PCNX1: variants seen among roughly 807,000 people sequenced by gnomAD.
The protein encoded by PCNX1 is pecanex 1.
Under a neutral mutation model 242.2 loss-of-function variants are expected in PCNX1, and 78 were observed. The observed-to-expected ratio is 0.32, with a 90% CI of 0.27 to 0.39. The LOEUF is 0.39. Ranked by LOEUF, PCNX1 falls within the 10% of genes least tolerant of loss-of-function variation. The probability of loss-of-function intolerance (pLI) is 1.00; values close to 1 mark genes in which losing one functional copy is unlikely to be tolerated. For synonymous variants in PCNX1, 1,024 were observed against 1,032.9 expected (o/e 0.99, Z 0.17); for missense variants, 2,581 against 2,856.5 (o/e 0.90, Z 2.20).
intron 31 of PCNX1, among the ~76,000 whole-genome samples, chr14:71,102,614 A>G (rs999919921): frequency 6.6e-6 from 1 of 152,172 alleles, no homozygotes; most frequent in African/African-American, 2.4e-5. Flanking sequence ...ACAGAAAAAA[A>G]ATGTGATGAC....
chr14:71,068,591 CGTGTGTGT>C (rs373964832), intron 26 of PCNX1, among the ~76,000 whole-genome samples: 29 of 124,020 alleles, frequency 2.3e-4, no homozygotes, highest in Non-Finnish European at 4.5e-4. Context: ...TATGTACGTG[CGTGTGTGT>C]GTGTGTGTGT....
intron 8 of PCNX1, among the ~76,000 whole-genome samples, chr14:70,999,970 C>T (rs945885314): frequency 1.5e-4 from 23 of 151,934 alleles, no homozygotes; most frequent in African/African-American, 4.1e-4. Flanking sequence ...TATGTCAGTT[C>T]CTTATGTTAT....
chr14:71,045,136 G>A lies in PCNX1; in HGVS notation c.3871G>A (p.Ala1291Thr), dbSNP rs1426018296. ...VSTVFTVLQP[A>T]LKYVLYTLVG... The stretch of plus-strand genomic sequence containing the variant: ...TCACTTCTATTATTTTTTTTAGCCT[G>A]CCCTCAAGTATGTGTTGTATACATT... Residue 1291 changes from alanine (A) to threonine (T), a missense_variant, in exon 20 of 36, where the codon GCC becomes ACC. Transcript: ENST00000304743. The A allele has an allele frequency of 1.9e-6, 3 of 1,579,978 alleles. No individual in the cohort carries two copies. Among genetic ancestry groups the A allele is most frequent in the East Asian group, 2.3e-5 (1 of 44,018 alleles).
At chr14:71,000,328 A>T (rs769246590) in intron 8 of PCNX1, among the ~76,000 whole-genome samples, 4 of 152,156 alleles carry the variant, frequency 2.6e-5, no homozygotes, top group Non-Finnish European at 4.4e-5. Flanking sequence ...GTCATCTACA[A>T]TCTCATCACT....
intron 5 of PCNX1, among the ~76,000 whole-genome samples, chr14:70,974,347 C>A (rs1307830906): frequency 6.7e-6 from 1 of 150,286 alleles, no homozygotes; most frequent in Non-Finnish European, 1.5e-5. Flanking sequence ...GTTGGCCAGG[C>A]TGATCTCGAA....
In PCNX1 at chr14:70,989,904, G is replaced by C. The variant is rs572113672; in HGVS notation, c.2444+1205G>C. 1.4e-4 allele frequency among the ~76,000 whole-genome samples: 21 copies of C among 152,258 alleles called. 1 individual carries two copies. In the South Asian group the frequency reaches 4.3e-3, roughly 32 times the overall value. On this transcript the variant is annotated intron_variant, in intron 7 of 35. Transcript: ENST00000304743. ...TATATTATACAAAATACTTTCATTA[G>C]CCTCTGTGTCCCAAAAGTACCATTT... is the stretch of plus-strand genomic sequence containing the variant.
At chr14:70,979,456 C>T (rs1426500304) in intron 6 of PCNX1, among the ~76,000 whole-genome samples, 1 of 151,854 alleles carries the variant, frequency 6.6e-6, no homozygotes, top group African/African-American at 2.4e-5. Context: ...GTTCTTCTGC[C>T]CAAGATAGTT....
At chr14:71,013,250 A>G (rs1215952414) in intron 11 of PCNX1, 48 bp downstream of exon 11, 1 of 1,380,788 alleles carries the variant, frequency 7.2e-7, no homozygotes, top group East Asian at 2.3e-5. Flanking sequence ...TTTATTTTTA[A>G]GATGAAGTGT....
At chr14:71,037,146 G>C (rs2060562001) in intron 19 of PCNX1, among the ~76,000 whole-genome samples, 2 of 151,668 alleles carry the variant, frequency 1.3e-5, no homozygotes, top group South Asian at 4.2e-4. Context: ...TTTGTATCCT[G>C]AGACTTTGCT....
intron 8 of PCNX1, among the ~76,000 whole-genome samples, chr14:70,999,035 T>C (rs2059432061): frequency 2.6e-5 from 4 of 152,162 alleles, no homozygotes; most frequent in Admixed American, 2.6e-4. Context: ...TATACTGTTT[T>C]CTGAATTAAA....
At chr14:71,104,609 C>T (rs142197912) in intron 32 of PCNX1, among the ~76,000 whole-genome samples, 1 of 152,188 alleles carries the variant, frequency 6.6e-6, no homozygotes, top group Non-Finnish European at 1.5e-5. Context: ...TTCAGAGTCA[C>T]TGAACAGACA....
intron 6 of PCNX1, among the ~76,000 whole-genome samples, chr14:70,986,058 GA>G (rs1173328853): frequency 6.6e-6 from 1 of 152,192 alleles, no homozygotes; most frequent in Non-Finnish European, 1.5e-5. Context: ...AAGCTTTAAA[GA>G]CACATTTTCC....
chr14:70,947,918 C>G (rs1237523177), intron 2 of PCNX1, among the ~76,000 whole-genome samples: 1 of 152,170 alleles, frequency 6.6e-6, no homozygotes, highest in Non-Finnish European at 1.5e-5. Context: ...AAAATGGCCA[C>G]TCTGGGAGTG....
At chr14:71,041,787 A>G (rs2060713400) in intron 19 of PCNX1, among the ~76,000 whole-genome samples, 1 of 105,764 alleles carries the variant, frequency 9.5e-6, no homozygotes, top group Admixed American at 1.1e-4. Flanking sequence ...TTGCTACTAT[A>G]CTATACTATA....
At chr14:71,106,261 G>A (rs1017818529) in intron 33 of PCNX1, among the ~76,000 whole-genome samples, 3 of 151,594 alleles carry the variant, frequency 2.0e-5, no homozygotes, top group South Asian at 2.1e-4. Context: ...CTTGTGATCC[G>A]CCCACCTTGG....
At chr14:70,933,783 A>G (rs947111973) in intron 1 of PCNX1, among the ~76,000 whole-genome samples, 2 of 152,222 alleles carry the variant, frequency 1.3e-5, no homozygotes, top group Admixed American at 6.5e-5. Context: ...AAGTGCTTAA[A>G]AATATACCTT....
At chr14:70,986,139 T>C (rs914384210) in intron 6 of PCNX1, among the ~76,000 whole-genome samples, 18 of 152,222 alleles carry the variant, frequency 1.2e-4, no homozygotes, top group African/African-American at 4.3e-4. Flanking sequence ...AAGTAGCACA[T>C]TCCCAGGGGC....
At chr14:71,010,986 G>A (rs2059806478) in intron 9 of PCNX1, among the ~76,000 whole-genome samples, 1 of 152,098 alleles carries the variant, frequency 6.6e-6, no homozygotes, top group South Asian at 2.1e-4. Flanking sequence ...AGTAGGAGGA[G>A]GGAGGGATAG....
intron 12 of PCNX1, among the ~76,000 whole-genome samples, chr14:71,019,515 C>T (rs2060041971): frequency 6.6e-6 from 1 of 152,136 alleles, no homozygotes; most frequent in South Asian, 2.1e-4. Flanking sequence ...GATTCTCCTG[C>T]CTCAGCCTCC....
Sources: allele counts gnomAD v4.1 joint callset (sites outside exome capture counted in the v4.1 genomes callset), GRCh38; gene constraint gnomAD v4.1.1; transcripts MANE v1.5; gene names NCBI Gene and HGNC (gene_info 2026-07-23, HGNC 2026-07-21).